PDSS2: variants seen among roughly 807,000 people sequenced by gnomAD.
PDSS2 encodes decaprenyl diphosphate synthase subunit 2.
PDSS2 carries 31 observed loss-of-function variants against 44.5 expected under a neutral mutation model. That is an observed-to-expected ratio of 0.70 (90% confidence interval 0.52 to 0.94). The LOEUF (loss-of-function observed/expected upper bound fraction) is 0.94, where lower values mean the gene tolerates loss of function less well. Ranked by LOEUF, PDSS2 falls within the 40% of genes least tolerant of loss-of-function variation. The pLI is 0.00. For missense variants in PDSS2, 452 were observed against 482.2 expected (o/e 0.94, Z 0.59); for synonymous variants, 157 against 180.3 (o/e 0.87, Z 1.03).
intron 3 of PDSS2, among the ~76,000 whole-genome samples, chr6:107,250,946 C>T (rs1028341812): frequency 3.3e-5 from 5 of 152,096 alleles, no homozygotes; most frequent in African/African-American, 1.2e-4. Context: ...ACTTCCATCT[C>T]CCGGGTTCAA....
intron 1 of PDSS2, among the ~76,000 whole-genome samples, chr6:107,441,855 A>G (rs1781519259): frequency 6.6e-6 from 1 of 152,140 alleles, no homozygotes; most frequent in South Asian, 2.1e-4. Flanking sequence ...GGTGGCCAAC[A>G]CTCAAGCAGG....
At chr6:107,227,878 T>C (rs1036802243) in intron 4 of PDSS2, among the ~76,000 whole-genome samples, 1 of 152,126 alleles carries the variant, frequency 6.6e-6, no homozygotes, top group Non-Finnish European at 1.5e-5. Context: ...AGTGGAGGTG[T>C]TGAGAAAACA....
chr6:107,381,634 G>C (rs1779458387), intron 1 of PDSS2, among the ~76,000 whole-genome samples: 1 of 152,156 alleles, frequency 6.6e-6, no homozygotes, highest in South Asian at 2.1e-4. Context: ...CTGTGATCCA[G>C]TTTCATGAAA....
intron 2 of PDSS2, among the ~76,000 whole-genome samples, chr6:107,303,718 T>TA (rs1390432137): frequency 6.6e-6 from 1 of 152,162 alleles, no homozygotes; most frequent in Non-Finnish European, 1.5e-5. Context: ...CAGACCCCAC[T>TA]AAAAACTATT....
chr6:107,228,978 C>G (rs1191618720), intron 4 of PDSS2, among the ~76,000 whole-genome samples: 3 of 152,106 alleles, frequency 2.0e-5, no homozygotes. Flanking sequence ...CTCATTAATA[C>G]ATGCCTTGGG....
At chr6:107,402,595 T>G (rs1583040394) in intron 1 of PDSS2, among the ~76,000 whole-genome samples, 1 of 136,450 alleles carries the variant, frequency 7.3e-6, no homozygotes, top group East Asian at 2.1e-4. Flanking sequence ...TTTAATGGAT[T>G]CACAGTTCCA....
chr6:107,196,662 A>G (rs1076473), intron 6 of PDSS2, among the ~76,000 whole-genome samples: 48,598 of 152,094 alleles, frequency 0.32, 8,015 homozygotes, highest in East Asian at 0.5. Context: ...TCAGAAACTC[A>G]CCAAGTGATG....
At chr6:107,453,620 A>C (rs1358267177) in intron 1 of PDSS2, among the ~76,000 whole-genome samples, 1 of 152,148 alleles carries the variant, frequency 6.6e-6, no homozygotes, top group Non-Finnish European at 1.5e-5. Context: ...GCAGCTATAT[A>C]GTAAGATTTA....
At chr6:107,176,599 A>G (rs1303938721) in intron 7 of PDSS2, among the ~76,000 whole-genome samples, 2 of 152,144 alleles carry the variant, frequency 1.3e-5, no homozygotes, top group East Asian at 1.9e-4. Flanking sequence ...GAGACTTCAG[A>G]ACTTATTTCA....
intron 5 of PDSS2, among the ~76,000 whole-genome samples, chr6:107,211,556 C>T (rs1044080150): frequency 5.9e-5 from 9 of 151,416 alleles, no homozygotes; most frequent in Admixed American, 2.6e-4. Flanking sequence ...ATGGTGAAAC[C>T]TCGTCTCTAC....
chr6:107,170,400 G>A (rs1303754937), intron 7 of PDSS2, among the ~76,000 whole-genome samples: 1 of 152,184 alleles, frequency 6.6e-6, no homozygotes, highest in Non-Finnish European at 1.5e-5. Flanking sequence ...CTCGGAAAGG[G>A]AATTCCCTGA....
intron 1 of PDSS2, among the ~76,000 whole-genome samples, chr6:107,381,089 C>T (rs1779440539): frequency 6.6e-6 from 1 of 152,064 alleles, no homozygotes; most frequent in African/African-American, 2.4e-5. Flanking sequence ...ATGTAAGCAC[C>T]CTAATAATGG....
intron 4 of PDSS2, among the ~76,000 whole-genome samples, chr6:107,226,047 G>A (rs1773808449): frequency 1.3e-5 from 2 of 152,164 alleles, no homozygotes; most frequent in Admixed American, 6.5e-5. Context: ...AGTGGCTCAC[G>A]CCTGTAATCC....
intron 2 of PDSS2, among the ~76,000 whole-genome samples, chr6:107,278,626 T>C (rs1775867285): frequency 6.6e-6 from 1 of 152,222 alleles, no homozygotes. Context: ...TTGTGGTGTT[T>C]TGAATTACTC....
chr6:107,420,190 C>T (rs1271342409), intron 1 of PDSS2, among the ~76,000 whole-genome samples: 4 of 152,172 alleles, frequency 2.6e-5, no homozygotes, highest in African/African-American at 9.7e-5. Context: ...GGAATCACTT[C>T]CTATTCCATA....
intron 4 of PDSS2, among the ~76,000 whole-genome samples, chr6:107,233,576 C>A (rs1774124259): frequency 6.6e-6 from 1 of 152,068 alleles, no homozygotes; most frequent in Non-Finnish European, 1.5e-5. Context: ...CTTTGGGAGG[C>A]TGAGATGGGA....
chr6:107,371,565 A>AATT (rs1779129382), intron 1 of PDSS2, among the ~76,000 whole-genome samples: 1 of 152,168 alleles, frequency 6.6e-6, no homozygotes, highest in Admixed American at 6.5e-5. Context: ...TTTCAAAGTA[A>AATT]ATGTTAAATG....
chr6:107,185,170 A>G (rs961854465), intron 7 of PDSS2, among the ~76,000 whole-genome samples: 4 of 151,290 alleles, frequency 2.6e-5, no homozygotes, highest in African/African-American at 9.7e-5. Flanking sequence ...AAGGAGAAGG[A>G]GAAGAAGAAG....
At chr6:107,346,832 C>T (rs1778261860) in intron 1 of PDSS2, among the ~76,000 whole-genome samples, 1 of 152,170 alleles carries the variant, frequency 6.6e-6, no homozygotes, top group South Asian at 2.1e-4. Flanking sequence ...AAATATTTTT[C>T]TCCTGAACAT....
Sources: gnomAD v4.1 joint callset for allele counts (sites outside exome capture counted in the v4.1 genomes callset) on GRCh38, gnomAD v4.1.1 for gene constraint, MANE v1.5 for transcripts, NCBI Gene and HGNC (gene_info 2026-07-23, HGNC 2026-07-21) for gene names.